PIK3CB: variants seen among roughly 807,000 people sequenced by gnomAD.
PIK3CB encodes phosphatidylinositol-4,5-bisphosphate 3-kinase catalytic subunit beta, also known as phosphatidylinositol 4,5-bisphosphate 3-kinase catalytic subunit beta isoform.
PIK3CB carries 39 observed loss-of-function variants against 136.8 expected under a neutral mutation model. The ratio of observed to expected loss-of-function variants is 0.29; its 90% CI spans 0.22 to 0.37. The LOEUF is 0.37. PIK3CB is among the 10% of genes least tolerant of loss of function. The probability of loss-of-function intolerance (pLI) is 1.00; values close to 1 mark genes in which losing one functional copy is unlikely to be tolerated. For missense variants in PIK3CB, 868 were observed against 1,275.4 expected, an observed-to-expected ratio of 0.68 and a Z score of 4.87; for synonymous variants, 428 against 436.6, an observed-to-expected ratio of 0.98 and a Z score of 0.25.
chr3:138,831,358 C>T (rs1239933776), intron 1 of PIK3CB, among the ~76,000 whole-genome samples: 2 of 151,764 alleles, frequency 1.3e-5, no homozygotes, highest in Non-Finnish European at 2.9e-5. Context: ...TTTGGGAGGC[C>T]GAGGCGGCCA....
intron 2 of PIK3CB, among the ~76,000 whole-genome samples, chr3:138,786,549 T>C (rs954808803): frequency 2.0e-5 from 3 of 152,136 alleles, no homozygotes; most frequent in African/African-American, 7.2e-5. Flanking sequence ...TTTCACCATG[T>C]TGGCCAGGCT....
chr3:138,757,113 A>G (rs2045582641), intron 3 of PIK3CB, among the ~76,000 whole-genome samples: 1 of 152,154 alleles, frequency 6.6e-6, no homozygotes, highest in East Asian at 1.9e-4. Flanking sequence ...TGCACATAAA[A>G]ACCACAATGA....
intron 8 of PIK3CB, among the ~76,000 whole-genome samples, chr3:138,731,275 T>C (rs2044966897): frequency 6.6e-6 from 1 of 151,952 alleles, no homozygotes; most frequent in Admixed American, 6.6e-5. Context: ...TTGGGGGAGA[T>C]TGGGTCTCAC....
At chr3:138,683,954 C>G (rs912695792) in intron 17 of PIK3CB, among the ~76,000 whole-genome samples, 167 bp from the exon 18 acceptor site, 2 of 152,242 alleles carry the variant, frequency 1.3e-5, no homozygotes. Flanking sequence ...ACCATGAGGA[C>G]AGCCTTGGGT....
chr3:138,809,384 T>C (rs1482162592), intron 1 of PIK3CB, among the ~76,000 whole-genome samples: 3 of 151,560 alleles, frequency 2.0e-5, no homozygotes, highest in Admixed American at 1.3e-4. Flanking sequence ...GGCGGGCGGA[T>C]CACCTGAGGT....
rs142933486 is a variant in PIK3CB at position 138,664,015 on chromosome 3, C to T, written c.2687G>A (p.Arg896Gln). 27 of 1,613,390 alleles carry T rather than the reference C, an allele frequency of 1.7e-5. No homozygotes were observed. Among genetic ancestry groups the T allele is most frequent in the East Asian group, 8.9e-5 (4 of 44,876 alleles). ...KEYNSGDDLD[R>Q]AIEEFTLSCA... is the part of the protein sequence containing the mutation. Reference sequence around the variant, plus strand: ...GGACAGTGTAAATTCCTCAATGGCTCGGTCCAGGTCATCCCTGAACAAGAG... The same window carrying T: ...GGACAGTGTAAATTCCTCAATGGCTTGGTCCAGGTCATCCCTGAACAAGAG... Residue 896 changes from arginine (R) to glutamine (Q), a missense_variant, in exon 21 of 24, where the codon CGA becomes CAA. Coordinates refer to ENST00000674063, the MANE Select transcript of PIK3CB (RefSeq NM_006219.3).
intron 7 of PIK3CB, 123 bp from the exon 8 acceptor site, chr3:138,733,561 T>C: frequency 3.8e-6 from 2 of 532,962 alleles, no homozygotes; most frequent in East Asian, 3.2e-5. Flanking sequence ...AGCTCTAAAC[T>C]AACAACTGAA....
intron 2 of PIK3CB, among the ~76,000 whole-genome samples, chr3:138,777,640 A>G (rs1010275041): frequency 1.3e-5 from 2 of 152,182 alleles, no homozygotes; most frequent in African/African-American, 4.8e-5. Context: ...AATGTTTTAC[A>G]CCACTAAGTT....
chr3:138,758,551 AT>A (rs960548028), intron 3 of PIK3CB, among the ~76,000 whole-genome samples: 2 of 152,192 alleles, frequency 1.3e-5, no homozygotes, highest in African/African-American at 4.8e-5. Flanking sequence ...GGATCATGCC[AT>A]TTTAGAATTC....
chr3:138,670,417 T>A (rs115398867), intron 19 of PIK3CB, among the ~76,000 whole-genome samples: 2,000 of 152,314 alleles, frequency 0.013, 22 homozygotes, highest in Non-Finnish European at 0.023. Flanking sequence ...CCTCCTTTTT[T>A]GTGGGATCAG....
chr3:138,804,758 C>G (rs2046212389), intron 1 of PIK3CB, among the ~76,000 whole-genome samples: 1 of 152,076 alleles, frequency 6.6e-6, no homozygotes. Flanking sequence ...GGAACGGTGG[C>G]TCACACCTGT....
chr3:138,710,004 C>A (rs1350280142), intron 10 of PIK3CB, among the ~76,000 whole-genome samples: 5 of 145,380 alleles, frequency 3.4e-5, no homozygotes, highest in African/African-American at 1.3e-4. Flanking sequence ...ATGGCGAAAC[C>A]CTGTCTCTAC....
chr3:138,768,584 G>A (rs954171458), intron 2 of PIK3CB, among the ~76,000 whole-genome samples: 7 of 152,284 alleles, frequency 4.6e-5, no homozygotes, highest in Non-Finnish European at 2.9e-5. Context: ...GCTCATTGAG[G>A]ACCCAACCTA....
intron 12 of PIK3CB, among the ~76,000 whole-genome samples, chr3:138,703,484 A>G (rs2044296903): frequency 6.6e-6 from 1 of 152,158 alleles, no homozygotes; most frequent in Non-Finnish European, 1.5e-5. Flanking sequence ...ACTGGATTAC[A>G]GCTCAACAAA....
intron 8 of PIK3CB, among the ~76,000 whole-genome samples, chr3:138,722,104 C>T (rs1200539236): frequency 6.7e-6 from 1 of 150,330 alleles, no homozygotes; most frequent in Non-Finnish European, 1.5e-5. Flanking sequence ...TATACACATA[C>T]CTACTAGGAA....
chr3:138,689,992 T>C (rs1031574486), intron 15 of PIK3CB, among the ~76,000 whole-genome samples: 3 of 152,148 alleles, frequency 2.0e-5, no homozygotes, highest in African/African-American at 7.2e-5. Flanking sequence ...AAAAGTGATG[T>C]ACATATTTGA....
intron 16 of PIK3CB, chr3:138,685,126 AG>A (rs1315980761): frequency 5.2e-6 from 1 of 192,614 alleles, no homozygotes; most frequent in Non-Finnish European, 1.1e-5. Flanking sequence ...GTACTTAAGA[AG>A]ATAAATGTGG....
intron 13 of PIK3CB, among the ~76,000 whole-genome samples, chr3:138,695,231 C>G (rs1284582089): frequency 6.6e-6 from 1 of 152,074 alleles, no homozygotes. Context: ...TTTAATTTCT[C>G]TCATTGGATT....
chr3:138,805,544 C>T (rs548648140), intron 1 of PIK3CB, among the ~76,000 whole-genome samples: 31 of 145,784 alleles, frequency 2.1e-4, no homozygotes, highest in African/African-American at 4.6e-4. Context: ...TGGTGGCACG[C>T]GCCTGTAGTC....
Sources: gnomAD v4.1 joint callset for allele counts (sites outside exome capture counted in the v4.1 genomes callset) on GRCh38, gnomAD v4.1.1 for gene constraint, MANE v1.5 for transcripts, NCBI Gene and HGNC (gene_info 2026-07-23, HGNC 2026-07-21) for gene names.